Variants in RAB2A observed in about 807,000 individuals in gnomAD.
RAB2A encodes RAB2A, member RAS oncogene family.
RAB2A carries 7 observed loss-of-function variants against 32.5 expected under a neutral mutation model. The ratio of observed to expected loss-of-function variants is 0.22; its 90% CI spans 0.12 to 0.40. The LOEUF (loss-of-function observed/expected upper bound fraction) is 0.40, where lower values mean the gene tolerates loss of function less well. Among genes scored for constraint, RAB2A ranks in the 10% least tolerant of loss-of-function variants. RAB2A has a pLI of 1.00. For synonymous variants in RAB2A, 79 were observed against 85.2 expected (o/e 0.93, Z 0.40); for missense variants, 108 against 260.7 (o/e 0.41, Z 4.03).
At chr8:60,602,498 A>G (rs955420567) in intron 6 of RAB2A, among the ~76,000 whole-genome samples, 9 of 152,246 alleles carry the variant, frequency 5.9e-5, no homozygotes, top group Non-Finnish European at 1.3e-4. Context: ...ATCAAGGAAG[A>G]CTAACAAAAG....
chr8:60,608,370 T>A (rs1246075976), intron 6 of RAB2A, among the ~76,000 whole-genome samples: 7 of 152,142 alleles, frequency 4.6e-5, no homozygotes, highest in Non-Finnish European at 1.0e-4. Flanking sequence ...TATTTGATAC[T>A]TTTGACTACT....
At chr8:60,598,807 A>AC (rs1042446867) in intron 6 of RAB2A, among the ~76,000 whole-genome samples, 2 of 151,502 alleles carry the variant, frequency 1.3e-5, no homozygotes, top group South Asian at 4.2e-4. Flanking sequence ...CCAAAAAAAA[A>AC]CCCACAACTA....
At chr8:60,568,214 A>G (rs759005950) in intron 2 of RAB2A, among the ~76,000 whole-genome samples, 3 of 152,162 alleles carry the variant, frequency 2.0e-5, no homozygotes, top group African/African-American at 7.2e-5. Flanking sequence ...CACCCCACCT[A>G]GTACCTCAGC....
chr8:60,550,164 G>A (rs966601986), intron 1 of RAB2A, among the ~76,000 whole-genome samples: 6 of 152,138 alleles, frequency 3.9e-5, no homozygotes, highest in African/African-American at 1.4e-4. Flanking sequence ...CTCTCAATCT[G>A]CTCTACCTAC....
At chr8:60,523,692 A>ATT (rs775682052) in intron 1 of RAB2A, among the ~76,000 whole-genome samples, 17 of 129,322 alleles carry the variant, frequency 1.3e-4, no homozygotes, top group Non-Finnish European at 1.9e-4. Flanking sequence ...GTTAACCTTC[A>ATT]TTTTTTTTTT....
rs190981219 is a variant in RAB2A at position 60,604,336 on chromosome 8, T to C, written c.474+12367T>C. ...TTACCCAGTCTCAGGTATTTCTTTA[T>C]AACAGCGGGAGAAAGGACTGATACA... On this transcript the variant is annotated intron_variant, in intron 6 of 7. Coordinates refer to ENST00000262646, the MANE Select transcript of RAB2A (RefSeq NM_002865.3). 2.0e-5 allele frequency among the ~76,000 whole-genome samples: 3 copies of C among 152,348 alleles called. No individual in the cohort carries two copies. In the East Asian group the frequency reaches 5.8e-4, roughly 29 times the overall value.
rs1563485710 is a variant in RAB2A, at chr8:60,607,470, C to T, written c.475-11110C>T. Among the ~76,000 whole-genome samples, 4 of 148,110 alleles carry T rather than the reference C, an allele frequency of 2.7e-5. No homozygotes were observed. In the South Asian group the frequency reaches 8.7e-4, roughly 32 times the overall value. ...AAAAAGGTTTTTGTAGAGACAGTGT[C>T]TCTCTTATGTTGCCGAGGCTTGTCT... On this transcript the variant is annotated intron_variant, in intron 6 of 7. Transcript: ENST00000262646.
intron 6 of RAB2A, among the ~76,000 whole-genome samples, chr8:60,600,482 T>A (rs1804114531): frequency 6.6e-6 from 1 of 152,212 alleles, no homozygotes; most frequent in African/African-American, 2.4e-5. Flanking sequence ...ACACAGCCAC[T>A]CTGGAAAAAT....
At chr8:60,542,529 A>C (rs1807662881) in intron 1 of RAB2A, among the ~76,000 whole-genome samples, 1 of 152,024 alleles carries the variant, frequency 6.6e-6, no homozygotes, top group African/African-American at 2.4e-5. Context: ...AAAAGAAAGA[A>C]CACTTAATAA....
At chr8:60,559,241 T>G in intron 2 of RAB2A, 1 of 249,280 alleles carries the variant, frequency 4.0e-6, no homozygotes, top group Non-Finnish European at 7.9e-6. Context: ...TTGCTGGAAG[T>G]TAAATCAAGT....
intron 6 of RAB2A, among the ~76,000 whole-genome samples, chr8:60,595,642 A>G (rs1290708573): frequency 6.6e-6 from 1 of 152,228 alleles, no homozygotes; most frequent in Non-Finnish European, 1.5e-5. Context: ...TCAGAGTGGG[A>G]CATTATATAA....
chr8:60,559,321 GAGT>G (rs1013241967), intron 2 of RAB2A: 3 of 194,372 alleles, frequency 1.5e-5, no homozygotes, highest in Non-Finnish European at 3.2e-5. Flanking sequence ...TGTTCAATGA[GAGT>G]AGTAGTACCA....
chr8:60,574,822 G>T (rs915458862), intron 3 of RAB2A, among the ~76,000 whole-genome samples: 1 of 152,082 alleles, frequency 6.6e-6, no homozygotes, highest in African/African-American at 2.4e-5. Context: ...GAAAGGAAGA[G>T]AAGAAAAACC....
intron 6 of RAB2A, among the ~76,000 whole-genome samples, chr8:60,609,089 G>A (rs560977741): frequency 2.0e-5 from 3 of 152,226 alleles, no homozygotes; most frequent in Admixed American, 6.5e-5. Context: ...CACAGCTTCA[G>A]CATCAAACTC....
At chr8:60,584,629 C>A in intron 4 of RAB2A, 94 bp from the exon 5 acceptor site, 1 of 1,050,990 alleles carries the variant, frequency 9.5e-7, no homozygotes, top group Non-Finnish European at 1.4e-6. Flanking sequence ...GTGGATATGG[C>A]TAAAAGTGGT....
At chr8:60,530,725 T>G (rs1807463738) in intron 1 of RAB2A, among the ~76,000 whole-genome samples, 1 of 152,196 alleles carries the variant, frequency 6.6e-6, no homozygotes, top group South Asian at 2.1e-4. Flanking sequence ...CTGATGGATT[T>G]GGGTTTATTT....
intron 2 of RAB2A, among the ~76,000 whole-genome samples, chr8:60,567,196 A>G (rs1459696322): frequency 1.3e-5 from 2 of 150,996 alleles, no homozygotes; most frequent in Non-Finnish European, 1.5e-5. Context: ...TCTCACTGCA[A>G]CCTCCACCTC....
intron 5 of RAB2A, chr8:60,591,612 C>T: frequency 3.3e-6 from 1 of 301,140 alleles, no homozygotes; most frequent in South Asian, 5.9e-5. Flanking sequence ...CCTTAAGTTA[C>T]GGCTAGTTCT....
chr8:60,520,210 G>C (rs949082502), intron 1 of RAB2A, among the ~76,000 whole-genome samples: 2 of 152,114 alleles, frequency 1.3e-5, no homozygotes, highest in Non-Finnish European at 2.9e-5. Context: ...TAATAGAAGA[G>C]GTTTTAAAAA....
Sources: gnomAD v4.1 joint callset for allele counts (sites outside exome capture counted in the v4.1 genomes callset) on GRCh38, gnomAD v4.1.1 for gene constraint, MANE v1.5 for transcripts, NCBI Gene and HGNC (gene_info 2026-07-23, HGNC 2026-07-21) for gene names.